DCAF17: variants seen among roughly 807,000 people sequenced by gnomAD.
The protein encoded by DCAF17 is DDB1 and CUL4 associated factor 17, also known as DDB1- and CUL4-associated factor 17.
Under a neutral mutation model 66.0 loss-of-function variants are expected in DCAF17, and 48 were observed. That is an observed-to-expected ratio of 0.73 (90% CI 0.58 to 0.92). The LOEUF (loss-of-function observed/expected upper bound fraction) is 0.92. Among genes scored for constraint, DCAF17 ranks in the 40% least tolerant of loss-of-function variants. DCAF17 has a pLI of 0.00. For synonymous variants in DCAF17, 206 were observed against 214.6 expected (o/e 0.96, Z 0.35); for missense variants, 562 against 622.8 (o/e 0.90, Z 1.04).
chr2:171,466,208 G>T (rs1283295981), intron 8 of DCAF17, among the ~76,000 whole-genome samples: 3 of 152,052 alleles, frequency 2.0e-5, no homozygotes, highest in Non-Finnish European at 4.4e-5. Flanking sequence ...AATATATCAA[G>T]TTAATTATCC....
chr2:171,462,136 CTT>C (rs1340628216), intron 8 of DCAF17, among the ~76,000 whole-genome samples: 2 of 152,052 alleles, frequency 1.3e-5, no homozygotes, highest in Non-Finnish European at 2.9e-5. Flanking sequence ...TAGAAGAAAA[CTT>C]GGGAGAATCT....
intron 8 of DCAF17, among the ~76,000 whole-genome samples, chr2:171,466,339 G>T (rs1016832305): frequency 1.3e-5 from 2 of 152,084 alleles, no homozygotes; most frequent in Non-Finnish European, 2.9e-5. Context: ...AGTATTATTT[G>T]ACCTTTCACA....
Position 171,448,564 on chromosome 2 carries a change from C to G in DCAF17, c.322-117C>G, listed in dbSNP as rs1056814866. 8.7e-6 allele frequency: 8 copies of G among 920,420 alleles called. No homozygotes were observed. The African/African-American group carries it at 1.4e-4, about 16-fold the overall frequency. 57.0% of individuals were successfully genotyped at this position (920,420 alleles called of 1,614,324 possible). A position where few individuals can be genotyped will look rare whatever the true frequency, so the allele number is the denominator to read the frequency against. On this transcript the variant is annotated intron_variant, in intron 3 of 13. Transcript: ENST00000375255. Reference sequence around the variant, plus strand: ...TTCTCTAGTTGGGCATTTAATCTTTCTTTTGTGGTTTATTTATTTGGCATT... The same window carrying G: ...TTCTCTAGTTGGGCATTTAATCTTTGTTTTGTGGTTTATTTATTTGGCATT...
chr2:171,449,902 A>T lies in DCAF17; in HGVS notation c.482A>T (p.Gln161Leu). The part of the protein sequence containing the change: ...KFRYLSWDTP[Q>L]EVIAVKSAQN... ...AGATACTTGAGCTGGGACACTCCTC[A>T]AGAAGTCATTGCAGTTAAGTCAGCT... The change falls in exon 5 of 14, where the codon CAA (glutamine) becomes CTA (leucine). Residue 161 changes from glutamine (Q) to leucine (L), a missense_variant. By Grantham distance (113) the Gln-to-Leu change is moderately radical (BLOSUM62 -2). Transcript: ENST00000375255. The T allele has an allele frequency of 6.2e-7, 1 of 1,613,798 alleles. No homozygotes were observed. The highest frequency in any genetic ancestry group is 8.5e-7 in the Non-Finnish European group (1 of 1,179,774).
chr2:171,443,619 AT>A lies in DCAF17; in HGVS notation c.321+9del. 5.6e-6 allele frequency: 9 copies of A among 1,610,894 alleles called. No individual in the cohort carries two copies. The highest frequency in any genetic ancestry group is 7.6e-6 in the Non-Finnish European group (9 of 1,177,482). On this transcript the variant is annotated splice_region_variant and intron_variant, in intron 3 of 13. Transcript: ENST00000375255. ...TATTATGGGAATGCCCAGTGGTAAGATTTGTTTTTAGAGCGTTTGTTTCTAA... is the reference window on the plus strand; with the variant it reads ...TATTATGGGAATGCCCAGTGGTAAGATTGTTTTTAGAGCGTTTGTTTCTAA...
chr2:171,463,057 C>A (rs1259936256), intron 8 of DCAF17, among the ~76,000 whole-genome samples: 1 of 151,718 alleles, frequency 6.6e-6, no homozygotes, highest in Non-Finnish European at 1.5e-5. Context: ...ATGGCGAAAC[C>A]CTGTCTCTAC....
chr2:171,434,264 T>G lies in DCAF17; in HGVS notation c.-314T>G. 1 of 520,874 alleles carries G rather than the reference T, an allele frequency of 1.9e-6. No individual in the cohort carries two copies. Among genetic ancestry groups the G allele is most frequent in the Non-Finnish European group, 3.7e-6 (1 of 271,150 alleles). 32.3% of individuals were successfully genotyped at this position (520,874 alleles called of 1,614,324 possible). A position where few individuals can be genotyped will look rare whatever the true frequency, so the allele number is the denominator to read the frequency against. On this transcript the variant is annotated 5_prime_UTR_variant, in exon 1 of 14. Transcript: ENST00000375255. Reference sequence around the variant, plus strand: ...GCCTCACGAGGCACTAGGAACTACATTTCCCGGTGAGAGAGCGGCTCCGGC... The same window carrying G: ...GCCTCACGAGGCACTAGGAACTACAGTTCCCGGTGAGAGAGCGGCTCCGGC...
chr2:171,471,526 T>C (rs1696243681), intron 9 of DCAF17, among the ~76,000 whole-genome samples: 1 of 152,240 alleles, frequency 6.6e-6, no homozygotes, highest in Non-Finnish European at 1.5e-5. Context: ...CATCTGGAGC[T>C]AATACCATCA....
At position 171,434,360 on chromosome 2, in the gene DCAF17, T is replaced by G. The variant is rs1693604184; in HGVS notation, c.-218T>G. 2.5e-6 allele frequency: 2 copies of G among 796,510 alleles called. No individual in the cohort carries two copies. 49.3% of individuals were successfully genotyped at this position (796,510 alleles called of 1,614,324 possible). ...CTGGGGCAGATCGAAAAGGGAGTGC[T>G]TCTTCCCTTCTCTCCGCGCTCTGGC... On this transcript the variant is annotated 5_prime_UTR_variant, in exon 1 of 14. Coordinates refer to ENST00000375255, the MANE Select transcript of DCAF17 (RefSeq NM_025000.4).
chr2:171,434,589 C>A lies in DCAF17; in HGVS notation c.12C>A (p.Thr4=). The change falls in exon 1 of 14, where the codon ACC becomes ACA. Residue 4 remains threonine (T), a synonymous_variant. Coordinates refer to ENST00000375255, the MANE Select transcript of DCAF17 (RefSeq NM_025000.4). MGP[T]RKPNVCSRLS... The stretch of plus-strand genomic sequence containing the variant: ...CGGCCCGCGCCTCCATGGGCCCGAC[C>A]CGGAAGCCCAACGTGTGCAGCCGGC... The A allele has an allele frequency of 6.5e-7, 1 of 1,527,904 alleles. No individual in the cohort carries two copies. The highest frequency in any genetic ancestry group is 8.7e-7 in the Non-Finnish European group (1 of 1,143,862). 94.6% of individuals were successfully genotyped at this position (1,527,904 alleles called of 1,614,324 possible).
chr2:171,479,671 T>C, intron 12 of DCAF17: 1 of 255,004 alleles, frequency 3.9e-6, no homozygotes, highest in Non-Finnish European at 7.6e-6. Flanking sequence ...CCGAGCTTCA[T>C]GTGTTTAGTC....
intron 8 of DCAF17, among the ~76,000 whole-genome samples, chr2:171,463,480 G>C (rs1695719510): frequency 6.6e-6 from 1 of 152,108 alleles, no homozygotes; most frequent in South Asian, 2.1e-4. Flanking sequence ...AAGAGATACA[G>C]ATCAAAGGAA....
Position 171,476,918 on chromosome 2 carries a change from T to G in DCAF17, c.1150T>G (p.Phe384Val). ...TTCTCAGCATCAGATCTCTGAAGATTTTGTCATTTTGGCCAACAGGGAGAA... is the reference window on the plus strand; with the variant it reads ...TTCTCAGCATCAGATCTCTGAAGATGTTGTCATTTTGGCCAACAGGGAGAA... ...NSSQHQISED[F>V]VILANRENHK... is the part of the protein sequence containing the mutation. The change falls in exon 11 of 14, where the codon TTT becomes GTT. Residue 384 changes from phenylalanine to valine, a missense_variant. Coordinates refer to ENST00000375255, the MANE Select transcript of DCAF17 (RefSeq NM_025000.4). The G allele has an allele frequency of 1.4e-5, 22 of 1,613,800 alleles. No individual in the cohort carries two copies. Among genetic ancestry groups the G allele is most frequent in the Non-Finnish European group, 1.9e-5 (22 of 1,179,842 alleles).
chr2:171,476,055 G>C (rs1451934596), intron 10 of DCAF17, among the ~76,000 whole-genome samples: 4 of 151,978 alleles, frequency 2.6e-5, no homozygotes, highest in African/African-American at 9.6e-5. Flanking sequence ...AAAAAACTAA[G>C]TGAATAATTT....
intron 6 of DCAF17, among the ~76,000 whole-genome samples, chr2:171,454,027 A>G (rs911330268): frequency 6.6e-6 from 1 of 152,080 alleles, no homozygotes; most frequent in Non-Finnish European, 1.5e-5. Flanking sequence ...TGTAACGTAT[A>G]TATTTAATTA....
chr2:171,458,098 A>G lies in DCAF17; in HGVS notation c.732+23A>G, dbSNP rs377077804. 7.5e-5 allele frequency: 120 copies of G among 1,592,320 alleles called. 1 individual carries two copies. In the Middle Eastern group the frequency reaches 2.3e-3, roughly 31 times the overall value. ...CAGGTAGAGAAAACTGAAATTTGTC[A>G]TGTTACTATTAGCATGAGTTTTCGA... On this transcript the variant is annotated intron_variant, in intron 7 of 13. Coordinates refer to ENST00000375255, the MANE Select transcript of DCAF17 (RefSeq NM_025000.4).
chr2:171,476,948 A>G lies in DCAF17; in HGVS notation c.1180A>G (p.Lys394Glu), dbSNP rs749751184. 3 of 1,607,286 alleles carry G rather than the reference A, an allele frequency of 1.9e-6. No individual in the cohort carries two copies. Among genetic ancestry groups the G allele is most frequent in the East Asian group, 4.5e-5 (2 of 44,796 alleles). ...FVILANRENH[K>E]NENVLTVTAS... ...CATTTTGGCCAACAGGGAGAACCAT[A>G]AAGTAAGTCAAGAGTACTTTAAAAT... is the stretch of plus-strand genomic sequence containing the variant. The change falls in exon 11 of 14, where the codon AAA (lysine) becomes GAA (glutamate). Residue 394 changes from lysine (K) to glutamate (E), a missense_variant and splice_region_variant. This residue lies in a region of DCAF17 where 201 missense variants were observed against 231.1 expected (regional missense o/e 0.87). Transcript: ENST00000375255.
At chr2:171,467,647 T>A (rs1695986541) in intron 8 of DCAF17, among the ~76,000 whole-genome samples, 1 of 149,976 alleles carries the variant, frequency 6.7e-6, no homozygotes, top group Non-Finnish European at 1.5e-5. Context: ...TGAGAATTGC[T>A]TGAACCCAGG....
At chr2:171,442,171 G>T (rs1330145347) in intron 2 of DCAF17, among the ~76,000 whole-genome samples, 1 of 152,156 alleles carries the variant, frequency 6.6e-6, no homozygotes, top group African/African-American at 2.4e-5. Context: ...TTAAACTTTT[G>T]AATCAGTGAG....
Sources: gnomAD v4.1 joint callset for allele counts (sites outside exome capture counted in the v4.1 genomes callset) on GRCh38, gnomAD v4.1.1 for gene constraint, gnomAD v4.1.1 regional missense constraint, MANE v1.5 for transcripts, NCBI Gene and HGNC (gene_info 2026-07-23, HGNC 2026-07-21) for gene names.